The following FAM9A variants were observed in gnomAD, a reference collection of about 807,000 sequenced individuals.
The protein encoded by FAM9A is family with sequence similarity 9 member A, also known as protein FAM9A.
Under a neutral mutation model 25.0 loss-of-function variants are expected in FAM9A, and 49 were observed. The ratio of observed to expected loss-of-function variants is 1.96; its 90% confidence interval spans 1.56 to 2.48. FAM9A has a LOEUF of 2.48. Among genes scored for constraint, FAM9A ranks in the 30% most tolerant of loss-of-function variants. The pLI is 0.00. For missense variants in FAM9A, 266 were observed against 249.3 expected, an observed-to-expected ratio of 1.07 and a Z score of -0.45; for synonymous variants, 80 against 85.1, an observed-to-expected ratio of 0.94 and a Z score of 0.33.
chrX:8,796,534 T>A (rs1023946785), intron 5 of FAM9A, 152 bp from the exon 6 acceptor site: 3 of 436,678 alleles, frequency 6.9e-6, no homozygotes, highest in Non-Finnish European at 1.2e-5. Flanking sequence ...CAAGATTTAC[T>A]CACTTGTTTT....
At position 8,795,246 on chromosome X, in the gene FAM9A, G is replaced by A. The variant is rs751611805; in HGVS notation, c.663C>T (p.Asp221=). ...AAAAEVIVVE[D]EEEEEKEEEE... is the part of the protein sequence containing the mutation. ...CCTCCTCCTTCTCTTCCTCCTCTTC[G>A]TCTTCTACTACTATTACTTCTGCTG... Residue 221 remains aspartate (D), a synonymous_variant, in exon 7 of 10, where the codon GAC becomes GAT. Coordinates refer to ENST00000381003, the MANE Select transcript of FAM9A (RefSeq NM_174951.3). The A allele has an allele frequency of 1.8e-5, 20 of 1,111,204 alleles. No homozygotes were observed. The highest frequency in any genetic ancestry group is 4.2e-5 in the South Asian group (2 of 48,121). 91.6% of individuals were successfully genotyped at this position (1,111,204 alleles called of 1,213,427 possible).
Position 8,793,714 on chromosome X carries a change from CT to C in FAM9A, c.873del (p.Gly292ValfsTer7), listed in dbSNP as rs756318554. On this transcript the variant is annotated frameshift_variant, in exon 8 of 10. Coordinates refer to ENST00000381003, the MANE Select transcript of FAM9A (RefSeq NM_174951.3). LOFTEE classifies it high-confidence loss of function. ...TCTCTCAGCCTCCAGCTCCTAACAC[CT>C]GTAGGTTGTTGCCACCTCTTCTGTT... Reference protein sequence around the residue: ...QEKQKRWQQPTGVRSWRLREM... With the variant: ...QEKQKRWQQPXGVRSWRLREM... The C allele has an allele frequency of 5.0e-6, 6 of 1,211,064 alleles. No homozygotes were observed. Among genetic ancestry groups the C allele is most frequent in the Non-Finnish European group, 6.7e-6 (6 of 895,134 alleles).
chrX:8,798,148 A>G lies in FAM9A; in HGVS notation c.373+2T>C, dbSNP rs1313344314. 1.7e-6 allele frequency: 2 copies of G among 1,203,442 alleles called. No individual in the cohort carries two copies. The highest frequency in any genetic ancestry group is 2.2e-6 in the Non-Finnish European group (2 of 890,677). On this transcript the variant is annotated splice_donor_variant, in intron 5 of 9. Coordinates refer to ENST00000381003, the MANE Select transcript of FAM9A (RefSeq NM_174951.3). LOFTEE classifies it high-confidence loss of function. ...AGACTACGAATAGCTCCTAAAACAT[A>G]CCTGCAATATGTTCTAGCTTCATGG...
intron 3 of FAM9A, 111 bp from the exon 4 acceptor site, chrX:8,798,590 GC>G: frequency 1.8e-6 from 2 of 1,120,245 alleles, no homozygotes; most frequent in Non-Finnish European, 2.4e-6. Flanking sequence ...ACCAATTAAA[GC>G]TTTAAAGCAG....
At chrX:8,797,855 C>A (rs1933550818) in intron 5 of FAM9A, among the ~76,000 whole-genome samples, 1 of 111,934 alleles carries the variant, frequency 8.9e-6, no homozygotes, top group Non-Finnish European at 1.9e-5. Flanking sequence ...AGAGCTGTTT[C>A]TCCTCCAGTG....
intron 6 of FAM9A, 24 bp from the exon 7 acceptor site, chrX:8,795,444 G>A (rs769634927): frequency 7.9e-6 from 9 of 1,139,671 alleles, no homozygotes; most frequent in African/African-American, 1.8e-5. Flanking sequence ...TAAGTAATAC[G>A]GTCATATGTC....
At chrX:8,798,844 G>A in intron 3 of FAM9A, 122 bp downstream of exon 3, 1 of 1,093,923 alleles carries the variant, frequency 9.1e-7, no homozygotes, top group African/African-American at 1.8e-5. Context: ...CATGCACAAT[G>A]GACTCCAAAG....
Position 8,798,440 on chromosome X carries a change from G to C in FAM9A, c.260C>G (p.Pro87Arg), listed in dbSNP as rs377189496. The change falls in exon 4 of 10, where the codon CCT (proline) becomes CGT (arginine). Residue 87 changes from proline to arginine, a missense_variant. Pro to Arg is a moderately radical substitution (Grantham distance 103, BLOSUM62 -2). Transcript: ENST00000381003. ...ATCTTCCTCCCTTGTTTCTGTAAAAGGGTTTCTTTCCTCACATTCATCACG... is the reference window on the plus strand; with the variant it reads ...ATCTTCCTCCCTTGTTTCTGTAAAACGGTTTCTTTCCTCACATTCATCACG... The part of the protein sequence containing the change: ...PVRDECEERN[P>R]FTETREEDVT... The C allele has an allele frequency of 5.8e-6, 7 of 1,210,122 alleles. No homozygotes were observed. Among genetic ancestry groups the C allele is most frequent in the South Asian group, 1.8e-5 (1 of 56,710 alleles).
chrX:8,794,402 T>C (rs1286191981), intron 7 of FAM9A, among the ~76,000 whole-genome samples: 2 of 111,968 alleles, frequency 1.8e-5, no homozygotes, highest in African/African-American at 6.5e-5. Context: ...CAAATAACTC[T>C]GACATAAGTT....
At chrX:8,800,759 C>A (rs1933598589) in intron 1 of FAM9A, among the ~76,000 whole-genome samples, 1 of 68,797 alleles carries the variant, frequency 1.5e-5, no homozygotes, top group African/African-American at 5.6e-5. Context: ...ACGAACCCCA[C>A]ACCCCTCCCC....
chrX:8,796,668 G>A (rs747795091), intron 5 of FAM9A, among the ~76,000 whole-genome samples: 157 of 111,893 alleles, frequency 1.4e-3, no homozygotes, highest in African/African-American at 4.9e-3. Flanking sequence ...TGCAGAAAGC[G>A]TTACAAACAC....
rs1376394329 is a variant in FAM9A at position 8,795,313 on chromosome X, G to GCTGCTGCGGCTTCTGCTTCTT, written c.575_595dup (p.Glu192_Ala198dup). 12 of 1,203,194 alleles carry GCTGCTGCGGCTTCTGCTTCTT rather than the reference G, an allele frequency of 1.0e-5. No homozygotes were observed. In the African/African-American group the frequency reaches 1.9e-4, roughly 20 times the overall value. On this transcript the variant is annotated inframe_insertion, in exon 7 of 10. Coordinates refer to ENST00000381003, the MANE Select transcript of FAM9A (RefSeq NM_174951.3). ...TGCTGCTGCTGCGGCTTCTGCTGCT[G>GCTGCTGCGGCTTCTGCTTCTT]CTGCTGCGGCTTCTGCTTCTTCTGC...
At position 8,799,224 on chromosome X, in the gene FAM9A, A is replaced by T. The variant is rs1254273459; in HGVS notation, c.92-130T>A. 981 of 901,277 alleles carry T rather than the reference A, an allele frequency of 1.1e-3. 4 individuals are homozygous for T. The East Asian group carries it at 0.015, about 14-fold the overall frequency. 74.3% of individuals were successfully genotyped at this position (901,277 alleles called of 1,213,427 possible). A position where few individuals can be genotyped will look rare whatever the true frequency, so the allele number is the denominator to read the frequency against. ...GTGTATCCTGTGGGAGCAGGAGGGG[A>T]TGGAGAAGATGCCAGTGTCCCCTCC... On this transcript the variant is annotated intron_variant, in intron 2 of 9. Coordinates refer to ENST00000381003, the MANE Select transcript of FAM9A (RefSeq NM_174951.3).
In FAM9A at chrX:8,795,314, C is replaced by T. The variant is rs761682737; in HGVS notation, c.595G>A (p.Ala199Thr). The T allele has an allele frequency of 7.5e-6, 9 of 1,206,772 alleles. No individual in the cohort carries two copies. In the South Asian group the frequency reaches 1.1e-4, roughly 14 times the overall value. ...GCTGCTGCTGCGGCTTCTGCTGCTG[C>T]TGCTGCGGCTTCTGCTTCTTCTGCT... Reference protein sequence around the residue: ...DEAEEAEAAAAAAEAAAAAEA... With the variant: ...DEAEEAEAAATAAEAAAAAEA... Residue 199 changes from alanine to threonine, a missense_variant, in exon 7 of 10, where the codon GCA (alanine) becomes ACA (threonine). By Grantham distance (58) the Ala-to-Thr change is moderately conservative (BLOSUM62 0). Coordinates refer to ENST00000381003, the MANE Select transcript of FAM9A (RefSeq NM_174951.3).
At chrX:8,795,801 A>G (rs1381767491) in intron 6 of FAM9A, among the ~76,000 whole-genome samples, 2 of 112,407 alleles carry the variant, frequency 1.8e-5, no homozygotes, top group Non-Finnish European at 3.8e-5. Context: ...ATTTCCCAAA[A>G]GAAATACTTC....
intron 7 of FAM9A, among the ~76,000 whole-genome samples, chrX:8,794,157 G>A (rs1933499934): frequency 9.0e-6 from 1 of 111,327 alleles, no homozygotes; most frequent in Non-Finnish European, 1.9e-5. Flanking sequence ...GTATGCACAC[G>A]GATGAACCTT....
chrX:8,801,276 C>T (rs1007066582), intron 1 of FAM9A, 35 bp downstream of exon 1: 1 of 110,012 alleles, frequency 9.1e-6, no homozygotes, highest in African/African-American at 3.3e-5. Context: ...GGGCCGCATG[C>T]TCGACTTCCT....
intron 8 of FAM9A, among the ~76,000 whole-genome samples, chrX:8,793,308 C>G (rs1057122538): frequency 2.7e-5 from 3 of 112,034 alleles, no homozygotes; most frequent in Non-Finnish European, 5.6e-5. Context: ...TCATGTATCT[C>G]CTACCGCTCA....
intron 8 of FAM9A, among the ~76,000 whole-genome samples, chrX:8,792,689 G>A (rs1933483717): frequency 8.9e-6 from 1 of 111,985 alleles, no homozygotes; most frequent in African/African-American, 3.2e-5. Context: ...ACTGTTTTGT[G>A]TATAGATCAT....
Sources: allele counts gnomAD v4.1 joint callset (sites outside exome capture counted in the v4.1 genomes callset), GRCh38; gene constraint gnomAD v4.1.1; transcripts MANE v1.5; gene names NCBI Gene and HGNC (gene_info 2026-07-23, HGNC 2026-07-21).